The following RBFOX2 variants were observed in gnomAD, a reference collection of about 807,000 sequenced individuals.
RBFOX2 encodes RNA binding protein fox-1 homolog 2.
RBFOX2 carries 10 observed loss-of-function variants against 49.1 expected under a neutral mutation model. The ratio of observed to expected loss-of-function variants is 0.20; its 90% confidence interval spans 0.13 to 0.35. The LOEUF (loss-of-function observed/expected upper bound fraction) is 0.35. RBFOX2 is among the 10% of genes least tolerant of loss of function. The probability of loss-of-function intolerance (pLI) is 1.00; values close to 1 mark genes in which losing one functional copy is unlikely to be tolerated. For missense variants in RBFOX2, 323 were observed against 486.9 expected (o/e 0.66, Z 3.17); for synonymous variants, 183 against 187.4 (o/e 0.98, Z 0.19).
chr22:35,820,940 C>T (rs1171161561), intron 1 of RBFOX2, among the ~76,000 whole-genome samples: 2 of 151,984 alleles, frequency 1.3e-5, no homozygotes, highest in Non-Finnish European at 2.9e-5. Flanking sequence ...ACTGGGGGGC[C>T]TGAGCAATGA....
intron 1 of RBFOX2, among the ~76,000 whole-genome samples, chr22:35,946,131 T>C (rs1158027414): frequency 6.6e-6 from 1 of 152,176 alleles, no homozygotes; most frequent in Admixed American, 6.5e-5. Context: ...CGCAGGTGTC[T>C]AAGAAATAAC....
Position 35,835,478 on chromosome 22 carries a change from AG to A in RBFOX2, c.27+4713del, listed in dbSNP as rs565417828. ...TGTAGATCAGAGTTTGGAATTTCTC[AG>A]GGGAGAACAGAAAACTGGAGGAACA... On this transcript the variant is annotated intron_variant, in intron 1 of 11. Coordinates refer to ENST00000405409, the Ensembl canonical transcript of RBFOX2. Among the ~76,000 whole-genome samples, 9 of 152,054 alleles carry A rather than the reference AG, an allele frequency of 5.9e-5. No individual in the cohort carries two copies. The South Asian group carries it at 1.5e-3, about 25-fold the overall frequency.
intron 1 of RBFOX2, among the ~76,000 whole-genome samples, chr22:35,855,238 A>AT (rs1167385044): frequency 6.6e-6 from 1 of 152,214 alleles, no homozygotes; most frequent in Non-Finnish European, 1.5e-5. Context: ...CTCAAGAGTT[A>AT]TTGGCTGATG....
At chr22:35,828,120 C>G (rs2148609536) in intron 1 of RBFOX2, among the ~76,000 whole-genome samples, 1 of 148,858 alleles carries the variant, frequency 6.7e-6, no homozygotes, top group Non-Finnish European at 1.5e-5. Flanking sequence ...AAGATTCTGC[C>G]ACTGCACTCC....
rs142404406 is a variant in RBFOX2, at chr22:35,915,796, A to G, written c.-34+23051T>C. Among the ~76,000 whole-genome samples the G allele has an allele frequency of 1.4e-3, 209 of 152,294 alleles. 1 individual carries two copies. The Middle Eastern group carries it at 0.02, about 15-fold the overall frequency. On this transcript the variant is annotated intron_variant, in intron 1 of 13. Transcript: ENST00000359369. ...CCATACCCTCTCCCAGGCCCACCCT[A>G]AACAATCTGGAATTGCTGGACAGAT...
intron 1 of RBFOX2, among the ~76,000 whole-genome samples, chr22:36,023,548 G>A (rs1156572202): frequency 6.6e-6 from 1 of 152,114 alleles, no homozygotes; most frequent in Admixed American, 6.5e-5. Flanking sequence ...CTGACCAAAA[G>A]AATTCATTCC....
chr22:35,906,365 C>T (rs1459797080), intron 1 of RBFOX2, among the ~76,000 whole-genome samples: 7 of 152,014 alleles, frequency 4.6e-5, no homozygotes, highest in Admixed American at 6.6e-5. Context: ...ATTCAAAATA[C>T]AATAATCATA....
intron 1 of RBFOX2, among the ~76,000 whole-genome samples, chr22:35,982,100 G>A (rs1297494473): frequency 6.6e-6 from 1 of 152,150 alleles, no homozygotes. Context: ...CTCCATGCAG[G>A]TGGGCAAATT....
chr22:35,867,719 G>C lies in RBFOX2; in HGVS notation c.-33-57715C>G, dbSNP rs189874480. 1.8e-3 allele frequency among the ~76,000 whole-genome samples: 274 copies of C among 152,132 alleles called. 1 individual carries two copies. Among genetic ancestry groups the C allele is most frequent in the African/African-American group, 6.0e-3 (248 of 41,518 alleles). On this transcript the variant is annotated intron_variant, in intron 1 of 13. Transcript: ENST00000359369. The stretch of plus-strand genomic sequence containing the variant: ...AACTATTTTATGAAGAAAAAATTAA[G>C]GGCTCCCATCTTCCATTTGACCATC...
intron 1 of RBFOX2, among the ~76,000 whole-genome samples, chr22:35,851,370 T>C (rs1412157618): frequency 6.6e-6 from 1 of 152,178 alleles, no homozygotes; most frequent in Non-Finnish European, 1.5e-5. Flanking sequence ...AGACAAAATA[T>C]TGTACTAAGC....
chr22:35,802,135 A>G (rs998474461), intron 2 of RBFOX2, among the ~76,000 whole-genome samples: 1 of 152,154 alleles, frequency 6.6e-6, no homozygotes, highest in Non-Finnish European at 1.5e-5. Flanking sequence ...TATAATGTAA[A>G]TATATGTATA....
intron 1 of RBFOX2, among the ~76,000 whole-genome samples, chr22:35,828,966 G>A (rs1471684111): frequency 1.3e-5 from 2 of 152,096 alleles, no homozygotes; most frequent in African/African-American, 4.8e-5. Context: ...CAGGAGAATC[G>A]CTTGAACCCG....
intron 1 of RBFOX2, among the ~76,000 whole-genome samples, chr22:35,864,240 A>T (rs1018847825): frequency 6.6e-6 from 1 of 152,236 alleles, no homozygotes; most frequent in Non-Finnish European, 1.5e-5. Flanking sequence ...GTTTTGCTAC[A>T]CTTTTTATAT....
At chr22:35,744,002 AG>A (rs1174089222) in exon 12 of RBFOX2, 11 of 433,696 alleles carry the variant, frequency 2.5e-5, no homozygotes, top group African/African-American at 1.8e-4. Flanking sequence ...AAAGAATTAA[AG>A]GCAGAAATTT....
At chr22:35,994,409 A>T (rs1603463642) in intron 1 of RBFOX2, 1 of 149,598 alleles carries the variant, frequency 6.7e-6, no homozygotes, top group Non-Finnish European at 1.5e-5. Flanking sequence ...TTATTTATTT[A>T]TTTATTTATT....
At chr22:35,893,961 T>A (rs1603441752) in intron 1 of RBFOX2, among the ~76,000 whole-genome samples, 1 of 152,112 alleles carries the variant, frequency 6.6e-6, no homozygotes, top group Non-Finnish European at 1.5e-5. Context: ...AGAGACATAC[T>A]GCCATCTTTG....
At chr22:35,877,730 CT>C (rs1300715768) in intron 1 of RBFOX2, among the ~76,000 whole-genome samples, 1 of 152,122 alleles carries the variant, frequency 6.6e-6, no homozygotes, top group African/African-American at 2.4e-5. Context: ...GGTTCCAAAG[CT>C]TGTGCCATTA....
At chr22:36,000,031 A>C (rs2058352316) in intron 1 of RBFOX2, 1 of 140,342 alleles carries the variant, frequency 7.1e-6, no homozygotes, top group African/African-American at 2.6e-5. Flanking sequence ...ATGGAGTCTC[A>C]CTCTTGTTGC....
chr22:35,754,186 GGTTC>G (rs1452381193), intron 9 of RBFOX2, among the ~76,000 whole-genome samples: 1 of 150,630 alleles, frequency 6.6e-6, no homozygotes, highest in Non-Finnish European at 1.5e-5. Flanking sequence ...CTGCCTCCCA[GGTTC>G]ATGCCATTCT....
Sources: gnomAD v4.1 joint callset for allele counts (sites outside exome capture counted in the v4.1 genomes callset) on GRCh38, gnomAD v4.1.1 for gene constraint, MANE v1.5 for transcripts, NCBI Gene and HGNC (gene_info 2026-07-23, HGNC 2026-07-21) for gene names.